The following GABRG2 variants were observed in gnomAD, a reference collection of about 807,000 sequenced individuals.
GABRG2 encodes gamma-aminobutyric acid type A receptor subunit gamma2, also known as gamma-aminobutyric acid receptor subunit gamma-2.
In GABRG2, 16 loss-of-function variants were observed where a neutral mutation model predicts 56.4. The observed-to-expected ratio is 0.28, with a 90% CI of 0.19 to 0.43. GABRG2 has a LOEUF of 0.43. GABRG2 is among the 20% of genes least tolerant of loss of function. GABRG2 has a pLI of 1.00. For synonymous variants in GABRG2, 208 were observed against 205.5 expected (o/e 1.01, Z -0.10); for missense variants, 327 against 582.7 (o/e 0.56, Z 4.52).
In GABRG2 at chr5:162,097,804, C is replaced by G; in HGVS notation, c.494C>G (p.Thr165Ser). 1 of 1,613,814 alleles carries G rather than the reference C, an allele frequency of 6.2e-7. No homozygotes were observed. The highest frequency in any genetic ancestry group is 8.5e-7 in the Non-Finnish European group (1 of 1,179,872). Reference sequence around the variant, plus strand: ...AAAGCTGATGCACACTGGATCACCACCCCCAACAGGATGCTGAGAATTTGG... The same window carrying G: ...AAAGCTGATGCACACTGGATCACCAGCCCCAACAGGATGCTGAGAATTTGG... ...SKKADAHWIT[T>S]PNRMLRIWND... The change falls in exon 4 of 10, where the codon ACC (threonine) becomes AGC (serine). Residue 165 changes from threonine (T) to serine (S), a missense_variant. By Grantham distance (58) the Thr-to-Ser change is moderately conservative. Coordinates refer to ENST00000639213, the MANE Select transcript of GABRG2 (RefSeq NM_198904.4).
chr5:162,093,807 G>T, intron 1 of GABRG2, 21 bp from the exon 2 acceptor site: 1 of 1,610,552 alleles, frequency 6.2e-7, no homozygotes, highest in South Asian at 1.1e-5. Flanking sequence ...TGTGTTTTTT[G>T]ACCAATATGT....
At chr5:162,122,862 T>TA (rs1561652040) in intron 6 of GABRG2, among the ~76,000 whole-genome samples, 2 of 150,588 alleles carry the variant, frequency 1.3e-5, no homozygotes, top group African/African-American at 2.4e-5. Context: ...AATAAGAAAA[T>TA]AAAAAAAGAA....
chr5:162,132,079 C>T, intron 6 of GABRG2, among the ~76,000 whole-genome samples: 1 of 151,668 alleles, frequency 6.6e-6, no homozygotes, highest in Non-Finnish European at 1.5e-5. Flanking sequence ...ACAGGTATTG[C>T]AAGAACTCTG....
At chr5:162,103,585 A>G (rs1407068769) in intron 5 of GABRG2, 2 of 380,514 alleles carry the variant, frequency 5.3e-6, no homozygotes, top group Admixed American at 7.6e-5. Context: ...CTTGGTATGC[A>G]CTATTCCAGA....
At chr5:162,088,546 G>T (rs1424874879) in intron 1 of GABRG2, among the ~76,000 whole-genome samples, 1 of 152,092 alleles carries the variant, frequency 6.6e-6, no homozygotes, top group Non-Finnish European at 1.5e-5. Flanking sequence ...AAACCTGAAT[G>T]TTATTAACCT....
At chr5:162,083,601 A>C (rs62384031) in intron 1 of GABRG2, 11,031 of 165,772 alleles carry the variant, frequency 0.067, 428 homozygotes, top group Middle Eastern at 0.076. Context: ...ATCCTGACAG[A>C]GCTAAGTCAT....
At chr5:162,098,040 G>A (rs887149678) in intron 4 of GABRG2, 182 bp downstream of exon 4, 14 of 609,314 alleles carry the variant, frequency 2.3e-5, no homozygotes, top group Non-Finnish European at 5.7e-6. Context: ...TGTTATCAAT[G>A]AGCTTTTTCA....
At chr5:162,098,048 T>C in intron 4 of GABRG2, 190 bp downstream of exon 4, 1 of 600,368 alleles carries the variant, frequency 1.7e-6, no homozygotes, top group Non-Finnish European at 2.9e-6. Context: ...ATGAGCTTTT[T>C]CAAAGCACTA....
rs1581339207 is a variant in GABRG2 at position 162,092,667 on chromosome 5, T to A, written c.108-1161T>A. Among the ~76,000 whole-genome samples the A allele has an allele frequency of 2.6e-5, 4 of 152,286 alleles. No homozygotes were observed. The South Asian group carries it at 6.2e-4, about 24-fold the overall frequency. On this transcript the variant is annotated intron_variant, in intron 1 of 9. Transcript: ENST00000639213. ...AGTATGAATGAAGAAAGGTGATAAA[T>A]CTGGCTTGAGAATATATGAATATAT...
chr5:162,071,181 T>TAC (rs1356624342), intron 1 of GABRG2, among the ~76,000 whole-genome samples: 36 of 151,388 alleles, frequency 2.4e-4, no homozygotes, highest in African/African-American at 8.7e-4. Flanking sequence ...ACTATATATA[T>TAC]ACCACATATA....
chr5:162,140,430 C>A (rs1344413116), intron 6 of GABRG2, among the ~76,000 whole-genome samples: 1 of 152,124 alleles, frequency 6.6e-6, no homozygotes, highest in Non-Finnish European at 1.5e-5. Flanking sequence ...ATTTCAGCAG[C>A]TTTGAGGGGT....
chr5:162,097,909 A>G, intron 4 of GABRG2, 51 bp downstream of exon 4: 4 of 1,496,620 alleles, frequency 2.7e-6, no homozygotes, highest in Non-Finnish European at 3.7e-6. Context: ...AAACAAACAA[A>G]CACAAAAATC....
chr5:162,148,870 AAT>A (rs1765151462), intron 7 of GABRG2, among the ~76,000 whole-genome samples: 1 of 152,200 alleles, frequency 6.6e-6, no homozygotes, highest in Non-Finnish European at 1.5e-5. Context: ...CTCTCACTAA[AAT>A]ATAAGGTACA....
intron 3 of GABRG2, 84 bp downstream of exon 3, chr5:162,095,646 G>C: frequency 1.0e-6 from 1 of 963,010 alleles, no homozygotes; most frequent in Admixed American, 2.0e-5. Flanking sequence ...CAAAAGACAT[G>C]CCAGCAAAAA....
intron 7 of GABRG2, among the ~76,000 whole-genome samples, chr5:162,148,447 T>G (rs369891351): frequency 5.9e-4 from 90 of 152,256 alleles, no homozygotes; most frequent in Middle Eastern, 3.4e-3. Flanking sequence ...CTAAAAAGAA[T>G]CCATCAATCA....
rs1033039288 is a variant in GABRG2 at position 162,092,847 on chromosome 5, C to A, written c.108-981C>A. Among the ~76,000 whole-genome samples the A allele has an allele frequency of 7.2e-5, 11 of 152,072 alleles. No homozygotes were observed. The East Asian group carries it at 2.1e-3, about 29-fold the overall frequency. On this transcript the variant is annotated intron_variant, in intron 1 of 9. Coordinates refer to ENST00000639213, the MANE Select transcript of GABRG2 (RefSeq NM_198904.4). ...TTTTAAAAAATTTTACTCTAAACTA[C>A]AAAAGTAACCAATATTCATTCAGTG...
At chr5:162,124,473 GC>G (rs991993687) in intron 6 of GABRG2, among the ~76,000 whole-genome samples, 10 of 151,832 alleles carry the variant, frequency 6.6e-5, no homozygotes, top group African/African-American at 2.4e-4. Flanking sequence ...GAATAGGTAT[GC>G]CCTTTAGAGA....
chr5:162,151,741 G>A lies in GABRG2; in HGVS notation c.1140G>A (p.Met380Ile), dbSNP rs1554101092. Residue 380 changes from methionine to isoleucine, a missense_variant, in exon 9 of 10, where the codon ATG becomes ATA. Met to Ile is a conservative substitution (Grantham distance 10). Coordinates refer to ENST00000639213, the MANE Select transcript of GABRG2 (RefSeq NM_198904.4). ...DKKKKNPLLR[M>I]FSFKAPTIDI... ...CTACAAACCCAAAGCTTCTTCGGAT[G>A]TTTTCCTTCAAGGTATAATGTTTTT... 6.2e-7 allele frequency: 1 copy of A among 1,609,614 alleles called. No individual in the cohort carries two copies. Among genetic ancestry groups the A allele is most frequent in the Non-Finnish European group, 8.5e-7 (1 of 1,178,000 alleles).
chr5:162,090,902 A>T (rs1471419537), intron 1 of GABRG2, among the ~76,000 whole-genome samples: 3 of 152,136 alleles, frequency 2.0e-5, no homozygotes, highest in Admixed American at 6.6e-5. Context: ...AGAATGTTTC[A>T]TCTAATGGTA....
Sources: gnomAD v4.1 joint callset for allele counts (sites outside exome capture counted in the v4.1 genomes callset) on GRCh38, gnomAD v4.1.1 for gene constraint, MANE v1.5 for transcripts, NCBI Gene and HGNC (gene_info 2026-07-23, HGNC 2026-07-21) for gene names.